Variants in CACNA2D1 observed in about 807,000 individuals in gnomAD.
CACNA2D1 encodes voltage-dependent calcium channel subunit alpha-2/delta-1.
In CACNA2D1, 53 loss-of-function variants were observed where a neutral mutation model predicts 171.5. The ratio of observed to expected loss-of-function variants is 0.31; its 90% CI spans 0.25 to 0.39. The LOEUF (loss-of-function observed/expected upper bound fraction) is 0.39. Among genes scored for constraint, CACNA2D1 ranks in the 10% least tolerant of loss-of-function variants. The pLI, the probability that CACNA2D1 is intolerant of heterozygous loss-of-function variation, is 1.00. For missense variants in CACNA2D1, 903 were observed against 1,299.8 expected (o/e 0.69, Z 4.69); for synonymous variants, 442 against 443.1 (o/e 1.00, Z 0.03).
At chr7:82,171,020 A>G (rs1259531486) in intron 3 of CACNA2D1, among the ~76,000 whole-genome samples, 2 of 152,212 alleles carry the variant, frequency 1.3e-5, no homozygotes, top group East Asian at 1.9e-4. Context: ...AATATGCACT[A>G]AACAATATAC....
chr7:81,991,467 AATT>A (rs1797535680), intron 20 of CACNA2D1, among the ~76,000 whole-genome samples: 3 of 152,178 alleles, frequency 2.0e-5, no homozygotes, highest in Admixed American at 1.3e-4. Context: ...GTTTATGCCA[AATT>A]ATTATCTTCA....
intron 3 of CACNA2D1, among the ~76,000 whole-genome samples, chr7:82,265,911 A>T (rs1195656881): frequency 1.3e-5 from 2 of 152,166 alleles, no homozygotes; most frequent in Non-Finnish European, 2.9e-5. Flanking sequence ...TCTAATCTCA[A>T]TAAAGAACCT....
intron 3 of CACNA2D1, among the ~76,000 whole-genome samples, chr7:82,330,477 G>A (rs1292448327): frequency 2.6e-5 from 4 of 151,856 alleles, no homozygotes; most frequent in Non-Finnish European, 5.9e-5. Flanking sequence ...TTCTTTAGTA[G>A]GCTTATAAGA....
intron 1 of CACNA2D1, among the ~76,000 whole-genome samples, chr7:82,374,454 C>T (rs1822777828): frequency 6.6e-6 from 1 of 152,112 alleles, no homozygotes; most frequent in African/African-American, 2.4e-5. Context: ...TGGATCAAGA[C>T]ATCTCACACA....
At chr7:82,368,495 T>C (rs1821998751) in intron 1 of CACNA2D1, among the ~76,000 whole-genome samples, 1 of 152,218 alleles carries the variant, frequency 6.6e-6, no homozygotes, top group African/African-American at 2.4e-5. Flanking sequence ...TCTGCATTTT[T>C]AGACTTTAAA....
Position 82,411,820 on chromosome 7 carries a change from A to G in CACNA2D1, c.95+31545T>C, listed in dbSNP as rs551375767. Reference sequence around the variant, plus strand: ...ACATGTCTAAATTTGCTGAGAAGTAAAAAAAAAATTCACAGCAATTCAGAG... The same window carrying G: ...ACATGTCTAAATTTGCTGAGAAGTAGAAAAAAAATTCACAGCAATTCAGAG... On this transcript the variant is annotated intron_variant, in intron 1 of 38. Coordinates refer to ENST00000356860, the MANE Select transcript of CACNA2D1 (RefSeq NM_000722.4). 8.6e-5 allele frequency among the ~76,000 whole-genome samples: 13 copies of G among 151,398 alleles called. No individual in the cohort carries two copies. The East Asian group carries it at 2.3e-3, about 27-fold the overall frequency.
intron 3 of CACNA2D1, among the ~76,000 whole-genome samples, chr7:82,223,923 G>A (rs1297051649): frequency 2.0e-5 from 3 of 152,240 alleles, no homozygotes; most frequent in Non-Finnish European, 4.4e-5. Flanking sequence ...CTCCTGACGT[G>A]ACATTCCTAC....
chr7:82,368,971 A>G (rs1822049288), intron 1 of CACNA2D1, among the ~76,000 whole-genome samples: 1 of 152,138 alleles, frequency 6.6e-6, no homozygotes, highest in Non-Finnish European at 1.5e-5. Context: ...AATGTTACTA[A>G]TCATATACTT....
intron 3 of CACNA2D1, among the ~76,000 whole-genome samples, chr7:82,322,210 T>G (rs1406362684): frequency 1.6e-5 from 2 of 125,664 alleles, no homozygotes; most frequent in Non-Finnish European, 3.4e-5. Flanking sequence ...TCACTAAAAA[T>G]ATTTGAGAAA....
chr7:82,440,914 C>T (rs1335206905), intron 1 of CACNA2D1, among the ~76,000 whole-genome samples: 1 of 151,536 alleles, frequency 6.6e-6, no homozygotes, highest in Non-Finnish European at 1.5e-5. Context: ...TGCTCTTCCT[C>T]TTCAGCTGAT....
intron 3 of CACNA2D1, among the ~76,000 whole-genome samples, chr7:82,172,693 C>T (rs1381599026): frequency 7.0e-6 from 1 of 143,484 alleles, no homozygotes; most frequent in Non-Finnish European, 1.5e-5. Context: ...CTATCTCAGC[C>T]TCCCAAAGTG....
chr7:82,084,372 C>T (rs369892301), intron 7 of CACNA2D1, among the ~76,000 whole-genome samples: 1 of 152,158 alleles, frequency 6.6e-6, no homozygotes, highest in East Asian at 1.9e-4. Flanking sequence ...ACACATTAAA[C>T]TTTTGTTACA....
intron 2 of CACNA2D1, chr7:82,343,271 T>C (rs1818885591): frequency 6.6e-6 from 1 of 152,220 alleles, no homozygotes; most frequent in African/African-American, 2.4e-5. Context: ...TTAGGAAGAA[T>C]GAAGTCACAA....
At chr7:82,362,867 A>G (rs1318572401) in intron 1 of CACNA2D1, among the ~76,000 whole-genome samples, 10 of 152,192 alleles carry the variant, frequency 6.6e-5, no homozygotes, top group Admixed American at 5.9e-4. Context: ...TACATTACAC[A>G]TGAAAAATTA....
chr7:81,967,354 T>G, intron 30 of CACNA2D1, 147 bp from the exon 31 acceptor site: 1 of 726,260 alleles, frequency 1.4e-6, no homozygotes, highest in Non-Finnish European at 2.3e-6. Context: ...ACAAAAGTTT[T>G]ATCTTATTAG....
chr7:82,337,456 A>G (rs1435274802), intron 2 of CACNA2D1, among the ~76,000 whole-genome samples: 1 of 152,200 alleles, frequency 6.6e-6, no homozygotes, highest in African/African-American at 2.4e-5. Context: ...TTTTATGATC[A>G]CACAATATAT....
intron 12 of CACNA2D1, among the ~76,000 whole-genome samples, chr7:82,025,384 T>A (rs868860051): frequency 2.0e-5 from 3 of 151,696 alleles, no homozygotes; most frequent in South Asian, 4.1e-4. Flanking sequence ...TTAAGTTTAT[T>A]CCTAACTGTA....
intron 3 of CACNA2D1, among the ~76,000 whole-genome samples, chr7:82,266,723 G>A (rs995540659): frequency 1.1e-4 from 16 of 152,034 alleles, no homozygotes; most frequent in African/African-American, 3.4e-4. Context: ...CACAATTTTG[G>A]CCAGGCTGGT....
chr7:82,408,145 T>C (rs1243290054), intron 1 of CACNA2D1, among the ~76,000 whole-genome samples: 1 of 151,820 alleles, frequency 6.6e-6, no homozygotes, highest in Non-Finnish European at 1.5e-5. Context: ...CTCAGCCTTC[T>C]GAGTAGCTGG....
Sources: allele counts gnomAD v4.1 joint callset (sites outside exome capture counted in the v4.1 genomes callset), GRCh38; gene constraint gnomAD v4.1.1; transcripts MANE v1.5; gene names NCBI Gene and HGNC (gene_info 2026-07-23, HGNC 2026-07-21).